Variants in CHFR observed in about 807,000 individuals in gnomAD.
CHFR encodes E3 ubiquitin-protein ligase CHFR.
CHFR carries 57 observed loss-of-function variants against 87.6 expected under a neutral mutation model. The observed-to-expected ratio is 0.65, with a 90% CI of 0.53 to 0.81. The LOEUF is 0.81. Among genes scored for constraint, CHFR ranks in the 30% least tolerant of loss-of-function variants. The pLI, the probability that CHFR is intolerant of heterozygous loss-of-function variation, is 0.00. For synonymous variants in CHFR, 381 were observed against 359.2 expected, an observed-to-expected ratio of 1.06 and a Z score of -0.69; for missense variants, 797 against 865.8, an observed-to-expected ratio of 0.92 and a Z score of 1.00.
chr12:132,881,522 G>T (rs148079332), intron 2 of CHFR, among the ~76,000 whole-genome samples: 1 of 152,260 alleles, frequency 6.6e-6, no homozygotes, highest in Non-Finnish European at 1.5e-5. Flanking sequence ...TCAGAGAAAT[G>T]CAAATTAAAA....
intron 11 of CHFR, among the ~76,000 whole-genome samples, chr12:132,852,283 C>T (rs1196440468): frequency 1.3e-5 from 2 of 152,054 alleles, no homozygotes; most frequent in Non-Finnish European, 1.5e-5. Flanking sequence ...CCACCGTGCC[C>T]GGCCGATCTG....
intron 6 of CHFR, among the ~76,000 whole-genome samples, chr12:132,865,047 T>G (rs1481275683): frequency 2.6e-5 from 4 of 152,210 alleles, no homozygotes. Context: ...CATGGTATAG[T>G]TCATCTAGGC....
In CHFR at chr12:132,872,317, T is replaced by C; in HGVS notation, c.311A>G (p.Tyr104Cys). 1 of 1,613,030 alleles carries C rather than the reference T, an allele frequency of 6.2e-7. No homozygotes were observed. The highest frequency in any genetic ancestry group is 8.5e-7 in the Non-Finnish European group (1 of 1,179,010). Residue 104 changes from tyrosine to cysteine, a missense_variant, in exon 4 of 18, where the codon TAC becomes TGC. Around this residue, in one of 2 missense-constraint regions of CHFR, gnomAD observed 597 missense variants for 601.2 expected, o/e 0.99. Coordinates refer to ENST00000450056, the MANE Select transcript of CHFR (RefSeq NM_001161346.2). ...TCPLQTGDVI[Y>C]LVYRKNEPEH... ...CGGTTCATTCTTCCTGTACACCAAGTAGATGACATCCCCAGTCTGTAAAGG... is the reference window on the plus strand; with the variant it reads ...CGGTTCATTCTTCCTGTACACCAAGCAGATGACATCCCCAGTCTGTAAAGG...
chr12:132,846,454 T>C (rs944160379), intron 15 of CHFR, among the ~76,000 whole-genome samples: 12 of 151,750 alleles, frequency 7.9e-5, no homozygotes, highest in African/African-American at 2.9e-4. Context: ...CTTTTTTTAG[T>C]AGAGACAGGG....
chr12:132,877,461 TCTC>T (rs954515644), intron 3 of CHFR, 91 bp downstream of exon 3: 7 of 711,268 alleles, frequency 9.8e-6, no homozygotes, highest in East Asian at 2.8e-5. Context: ...CAGCATTTCT[TCTC>T]CTCCTCAGCC....
Position 132,847,346 on chromosome 12 carries a change from T to C in CHFR, c.1648-216A>G, listed in dbSNP as rs1593450720. 2.3e-6 allele frequency: 3 copies of C among 1,308,576 alleles called. No individual in the cohort carries two copies. The East Asian group carries it at 1.0e-4, about 45-fold the overall frequency. 81.1% of individuals were successfully genotyped at this position (1,308,576 alleles called of 1,614,324 possible). A position where few individuals can be genotyped will look rare whatever the true frequency, so the allele number is the denominator to read the frequency against. On this transcript the variant is annotated intron_variant, in intron 14 of 17. Transcript: ENST00000450056. ...CTGGAAGTCCCAAAAGGTTCCAGTGTAACAGTTACCAGAGTCTCTCAAAAG... is the reference window on the plus strand; with the variant it reads ...CTGGAAGTCCCAAAAGGTTCCAGTGCAACAGTTACCAGAGTCTCTCAAAAG...
At chr12:132,862,661 G>A (rs1951241034) in intron 6 of CHFR, among the ~76,000 whole-genome samples, 1 of 151,938 alleles carries the variant, frequency 6.6e-6, no homozygotes, top group Non-Finnish European at 1.5e-5. Context: ...CTCACTGCAA[G>A]CTCCGCCTCC....
chr12:132,842,862 A>G (rs1419997073), intron 17 of CHFR, 149 bp downstream of exon 17: 3 of 691,878 alleles, frequency 4.3e-6, no homozygotes, highest in Non-Finnish European at 5.2e-6. Flanking sequence ...CGAAGGGATA[A>G]AGGAAGAGCA....
At chr12:132,848,036 T>C (rs750109543) in intron 14 of CHFR, 49 bp downstream of exon 14, 16 of 1,610,976 alleles carry the variant, frequency 9.9e-6, no homozygotes, top group Middle Eastern at 1.7e-4. Context: ...CTGGCTGCAC[T>C]AGGGAGAAAA....
At position 132,885,352 on chromosome 12, in the gene CHFR, A is replaced by G. The variant is rs1026381440; in HGVS notation, c.133+1844T>C. On this transcript the variant is annotated intron_variant, in intron 2 of 17. Coordinates refer to ENST00000450056, the MANE Select transcript of CHFR (RefSeq NM_001161346.2). ...CAAGAACCCGGGAGGTGGAGCTTGC[A>G]GTGGGCCGAGATCGCGCCACTGCAC... 2.6e-5 allele frequency among the ~76,000 whole-genome samples: 4 copies of G among 151,568 alleles called. No individual in the cohort carries two copies. In the East Asian group the frequency reaches 7.7e-4, roughly 29 times the overall value.
chr12:132,859,062 T>G lies in CHFR; in HGVS notation c.911+6A>C. ...TTCCGTGAGCCAAGGGTGAACACGGTCGCACCTCACGCAGTCGTGCAGCAG... is the reference window on the plus strand; with the variant it reads ...TTCCGTGAGCCAAGGGTGAACACGGGCGCACCTCACGCAGTCGTGCAGCAG... On this transcript the variant is annotated splice_donor_region_variant and intron_variant, in intron 8 of 17. Coordinates refer to ENST00000450056, the MANE Select transcript of CHFR (RefSeq NM_001161346.2). 6.2e-7 allele frequency: 1 copy of G among 1,611,780 alleles called. No homozygotes were observed. Among genetic ancestry groups the G allele is most frequent in the Non-Finnish European group, 8.5e-7 (1 of 1,178,674 alleles).
In CHFR at chr12:132,844,125, A is replaced by T; in HGVS notation, c.1745T>A (p.Val582Asp). The T allele has an allele frequency of 6.2e-7, 1 of 1,611,218 alleles. No homozygotes were observed. The highest frequency in any genetic ancestry group is 8.5e-7 in the Non-Finnish European group (1 of 1,177,958). ...RGVFLLSDYR[V>D]TGDTVLCYCC... ...GTAACACAGAACGGTGTCTCCCGTG[A>T]CTCTGTAATCTGGAAGAAACACAGC... is the stretch of plus-strand genomic sequence containing the variant. The change falls in exon 16 of 18, where the codon GTC (valine) becomes GAC (aspartate). Residue 582 changes from valine to aspartate, a missense_variant. By Grantham distance (152) the Val-to-Asp change is radical. This residue lies in a region of CHFR where 200 missense variants were observed against 264.6 expected (regional missense o/e 0.76). Transcript: ENST00000450056.
chr12:132,857,594 C>A, intron 8 of CHFR, 35 bp from the exon 9 acceptor site: 4 of 1,603,960 alleles, frequency 2.5e-6, no homozygotes, highest in Non-Finnish European at 3.4e-6. Context: ...CCAGACAGTC[C>A]CACAGATGCA....
intron 10 of CHFR, chr12:132,854,310 C>T (rs1360992011): frequency 6.6e-6 from 1 of 152,158 alleles, no homozygotes; most frequent in Non-Finnish European, 1.5e-5. Context: ...TTAGGTGCAC[C>T]CTTTCCGATC....
intron 6 of CHFR, 78 bp downstream of exon 6, chr12:132,869,541 C>T: frequency 7.3e-7 from 1 of 1,368,858 alleles, no homozygotes; most frequent in East Asian, 2.5e-5. Flanking sequence ...GCTTATCTGC[C>T]TCTGTAACAA....
Position 132,877,661 on chromosome 12 carries a change from A to G in CHFR, c.134-7T>C. 6.3e-7 allele frequency: 1 copy of G among 1,598,088 alleles called. No individual in the cohort carries two copies. ...GGGAAGGAAAGGTCGCAACCTAAAA[A>G]AGAGAGGGTGGGTCAACACGGGATA... On this transcript the variant is annotated splice_polypyrimidine_tract_variant and splice_region_variant and intron_variant, in intron 2 of 17. Coordinates refer to ENST00000450056, the MANE Select transcript of CHFR (RefSeq NM_001161346.2).
At position 132,869,766 on chromosome 12, in the gene CHFR, C is replaced by T. The variant is rs768775618; in HGVS notation, c.436G>A (p.Asp146Asn). 2.1e-5 allele frequency: 32 copies of T among 1,551,396 alleles called. No homozygotes were observed. The highest frequency in any genetic ancestry group is 4.9e-5 in the East Asian group (2 of 40,908). The stretch of plus-strand genomic sequence containing the variant: ...GGCGACGACGGAGGGACCCGGGGAT[C>T]GGCCCCTCGCCCTGCACCTGCACCT... ...TSGAGAGRGADPRVPPSSPAT... is the reference protein window; with the variant it reads ...TSGAGAGRGANPRVPPSSPAT... Residue 146 changes from aspartate to asparagine, a missense_variant, in exon 6 of 18, where the codon GAT (aspartate) becomes AAT (asparagine). Transcript: ENST00000450056.
intron 6 of CHFR, among the ~76,000 whole-genome samples, chr12:132,863,058 G>A (rs1258482998): frequency 1.4e-4 from 20 of 145,654 alleles, no homozygotes; most frequent in Admixed American, 3.4e-4. Flanking sequence ...CACCACGCCC[G>A]GCTAATTTTT....
chr12:132,876,798 T>A (rs1178116815), intron 3 of CHFR, among the ~76,000 whole-genome samples: 1 of 152,208 alleles, frequency 6.6e-6, no homozygotes, highest in Non-Finnish European at 1.5e-5. Context: ...AATAAACTTT[T>A]GTTTCGTTTT....
Sources: allele counts gnomAD v4.1 joint callset (sites outside exome capture counted in the v4.1 genomes callset), GRCh38; gene constraint gnomAD v4.1.1; regional missense constraint gnomAD v4.1.1; transcripts MANE v1.5; gene names NCBI Gene and HGNC (gene_info 2026-07-23, HGNC 2026-07-21).